The following GNAQ variants were observed in gnomAD, a reference collection of about 807,000 sequenced individuals.
GNAQ encodes the protein G protein subunit alpha q, also known as guanine nucleotide-binding protein G(q) subunit alpha.
GNAQ carries 8 observed loss-of-function variants against 43.9 expected under a neutral mutation model. The observed-to-expected ratio is 0.18, with a 90% CI of 0.11 to 0.33. The LOEUF is 0.33. Ranked by LOEUF, GNAQ falls within the 10% of genes least tolerant of loss-of-function variation. The pLI, the probability that GNAQ is intolerant of heterozygous loss-of-function variation, is 1.00. For synonymous variants in GNAQ, 155 were observed against 170.7 expected (o/e 0.91, Z 0.71); for missense variants, 158 against 450.8 (o/e 0.35, Z 5.88).
chr9:77,739,119 G>C (rs1357701091), intron 5 of GNAQ, among the ~76,000 whole-genome samples: 3 of 152,144 alleles, frequency 2.0e-5, no homozygotes, highest in Non-Finnish European at 4.4e-5. Flanking sequence ...TCATCTCGTA[G>C]TGATGTGTGA....
chr9:77,953,129 G>C (rs1362693718), intron 1 of GNAQ, among the ~76,000 whole-genome samples: 1 of 152,222 alleles, frequency 6.6e-6, no homozygotes, highest in Non-Finnish European at 1.5e-5. Flanking sequence ...TGGAGAAACA[G>C]AGGTCCCAAG....
At chr9:77,784,607 GA>G (rs1317391021) in intron 5 of GNAQ, among the ~76,000 whole-genome samples, 3 of 152,086 alleles carry the variant, frequency 2.0e-5, no homozygotes, top group Non-Finnish European at 2.9e-5. Flanking sequence ...CAATTGGGGG[GA>G]AAGATTCCTT....
At chr9:77,782,567 A>G (rs1826411172) in intron 5 of GNAQ, among the ~76,000 whole-genome samples, 1 of 152,196 alleles carries the variant, frequency 6.6e-6, no homozygotes, top group African/African-American at 2.4e-5. Context: ...TGGTACAGCC[A>G]TTTTGGAAGA....
intron 2 of GNAQ, among the ~76,000 whole-genome samples, chr9:77,857,973 A>G (rs1206047123): frequency 1.3e-5 from 2 of 151,904 alleles, no homozygotes; most frequent in Non-Finnish European, 2.9e-5. Flanking sequence ...TTTTAAACAG[A>G]GCTGTCAGCT....
At chr9:77,971,738 C>T (rs1823239304) in intron 1 of GNAQ, among the ~76,000 whole-genome samples, 1 of 152,198 alleles carries the variant, frequency 6.6e-6, no homozygotes, top group Non-Finnish European at 1.5e-5. Flanking sequence ...AATGCCCTCT[C>T]TCACCACTCC....
chr9:77,985,919 A>G (rs747372841), intron 1 of GNAQ, among the ~76,000 whole-genome samples: 31 of 152,162 alleles, frequency 2.0e-4, no homozygotes, highest in Non-Finnish European at 2.9e-5. Flanking sequence ...GCTGTCATTC[A>G]AATTTAAATG....
chr9:77,815,913 A>G, intron 2 of GNAQ, 143 bp from the exon 3 acceptor site: 2 of 552,222 alleles, frequency 3.6e-6, no homozygotes, highest in Non-Finnish European at 6.3e-6. Flanking sequence ...GTCATGTTTC[A>G]TATTTTTTGT....
At chr9:77,728,767 T>C in intron 5 of GNAQ, 100 bp from the exon 6 acceptor site, 2 of 791,924 alleles carry the variant, frequency 2.5e-6, no homozygotes, top group African/African-American at 1.7e-5. Context: ...ATCTTTTGTA[T>C]ACGACCAGTT....
At chr9:77,863,808 T>G (rs1043791226) in intron 2 of GNAQ, among the ~76,000 whole-genome samples, 1 of 152,138 alleles carries the variant, frequency 6.6e-6, no homozygotes. Context: ...AGAGAGCTTG[T>G]GCAGGGGAAA....
intron 1 of GNAQ, among the ~76,000 whole-genome samples, chr9:78,008,569 T>TATTTC (rs201289708): frequency 0.089 from 13,091 of 146,888 alleles, 632 homozygotes; most frequent in Admixed American, 0.12. Flanking sequence ...ACTATCGATT[T>TATTTC]ATTTCATTTC....
intron 2 of GNAQ, among the ~76,000 whole-genome samples, chr9:77,913,121 G>C (rs922048070): frequency 2.0e-5 from 3 of 152,138 alleles, no homozygotes; most frequent in African/African-American, 7.2e-5. Context: ...CTCATTGGCA[G>C]TATCTACGTA....
At chr9:77,915,583 T>A (rs879736123) in intron 2 of GNAQ, among the ~76,000 whole-genome samples, 1 of 151,746 alleles carries the variant, frequency 6.6e-6, no homozygotes, top group Non-Finnish European at 1.5e-5. Context: ...AATAATCCCA[T>A]TACTATTTGT....
At chr9:77,791,493 G>A (rs1826572968) in intron 5 of GNAQ, among the ~76,000 whole-genome samples, 2 of 152,102 alleles carry the variant, frequency 1.3e-5, no homozygotes. Flanking sequence ...CAATAAGACA[G>A]TAAAGGGAAT....
intron 1 of GNAQ, among the ~76,000 whole-genome samples, chr9:78,027,212 AAG>A (rs1268424311): frequency 6.6e-6 from 1 of 152,216 alleles, no homozygotes; most frequent in African/African-American, 2.4e-5. Context: ...AGTTGGCTCA[AAG>A]AGTTACACAC....
At chr9:77,977,188 C>A (rs1288067234) in intron 1 of GNAQ, among the ~76,000 whole-genome samples, 1 of 152,090 alleles carries the variant, frequency 6.6e-6, no homozygotes, top group Non-Finnish European at 1.5e-5. Context: ...TAAGGCAGAG[C>A]GCTTCCTTCA....
At chr9:77,958,635 C>T (rs1488285041) in intron 1 of GNAQ, among the ~76,000 whole-genome samples, 1 of 152,114 alleles carries the variant, frequency 6.6e-6, no homozygotes, top group Non-Finnish European at 1.5e-5. Flanking sequence ...TTTAACTGGG[C>T]CATCATTTCT....
intron 1 of GNAQ, among the ~76,000 whole-genome samples, chr9:77,935,716 G>A (rs561199579): frequency 6.6e-6 from 1 of 152,224 alleles, no homozygotes; most frequent in South Asian, 2.1e-4. Context: ...CCTATGGGCT[G>A]TTTCATTAAT....
At chr9:77,911,086 A>T (rs1330017666) in intron 2 of GNAQ, among the ~76,000 whole-genome samples, 1 of 152,196 alleles carries the variant, frequency 6.6e-6, no homozygotes, top group Admixed American at 6.5e-5. Context: ...TCTTCCTTTC[A>T]TCCAATTTTA....
At chr9:77,762,085 C>A (rs1826042768) in intron 5 of GNAQ, among the ~76,000 whole-genome samples, 2 of 131,840 alleles carry the variant, frequency 1.5e-5, no homozygotes, top group African/African-American at 5.7e-5. Flanking sequence ...GGGGGGTCAG[C>A]CCCCCGCCTG....
Sources: allele counts gnomAD v4.1 joint callset (sites outside exome capture counted in the v4.1 genomes callset), GRCh38; gene constraint gnomAD v4.1.1; transcripts MANE v1.5; gene names NCBI Gene and HGNC (gene_info 2026-07-23, HGNC 2026-07-21).